AP3B1: variants seen among roughly 807,000 people sequenced by gnomAD.
The protein encoded by AP3B1 is adaptor related protein complex 3 subunit beta 1.
Under a neutral mutation model 132.5 loss-of-function variants are expected in AP3B1, and 61 were observed. That is an observed-to-expected ratio of 0.46 (90% CI 0.37 to 0.57). The LOEUF (loss-of-function observed/expected upper bound fraction) is 0.57, where lower values mean the gene tolerates loss of function less well. Among genes scored for constraint, AP3B1 ranks in the 20% least tolerant of loss-of-function variants. AP3B1 has a pLI of 0.00. For synonymous variants in AP3B1, 388 were observed against 438.3 expected (o/e 0.89, Z 1.43); for missense variants, 1,120 against 1,289.4 (o/e 0.87, Z 2.01).
At chr5:78,001,253 A>T (rs1347207607), downstream of AP3B1, 1 of 152,204 alleles carries the variant, frequency 6.6e-6, no homozygotes, top group African/African-American at 2.4e-5. Flanking sequence ...AACCTGTCAA[A>T]TTCTGTCTGA....
intron 23 of AP3B1, among the ~76,000 whole-genome samples, chr5:78,036,834 C>T (rs901533277): frequency 1.9e-4 from 29 of 152,066 alleles, no homozygotes; most frequent in African/African-American, 6.5e-4. Flanking sequence ...CACTAAAATA[C>T]AGTATTTGTT....
chr5:78,144,625 G>A (rs1280901921), intron 14 of AP3B1, among the ~76,000 whole-genome samples: 1 of 152,192 alleles, frequency 6.6e-6, no homozygotes, highest in Admixed American at 6.5e-5. Context: ...GAATTACAAT[G>A]GGGTGCCAGA....
At chr5:78,076,576 A>C (rs1470282079) in intron 22 of AP3B1, among the ~76,000 whole-genome samples, 2 of 152,188 alleles carry the variant, frequency 1.3e-5, no homozygotes, top group Non-Finnish European at 2.9e-5. Flanking sequence ...ATAACTCAGG[A>C]TAAGGCTGGC....
intron 3 of AP3B1, among the ~76,000 whole-genome samples, chr5:78,235,785 A>G (rs754737756): frequency 6.6e-5 from 10 of 152,250 alleles, no homozygotes; most frequent in Non-Finnish European, 1.2e-4. Context: ...CAATACTAGT[A>G]CATCAAACTT....
intron 1 of AP3B1, among the ~76,000 whole-genome samples, chr5:78,277,301 C>T (rs1302834019): frequency 6.6e-6 from 1 of 152,116 alleles, no homozygotes; most frequent in Non-Finnish European, 1.5e-5. Context: ...AGAAGCTGCT[C>T]TAAGTATTGA....
At chr5:78,242,878 G>T (rs1008156074) in intron 2 of AP3B1, among the ~76,000 whole-genome samples, 2 of 152,022 alleles carry the variant, frequency 1.3e-5, no homozygotes, top group Non-Finnish European at 2.9e-5. Flanking sequence ...ACAAAATAAA[G>T]TTCAAACTAT....
At chr5:78,073,148 T>G (rs1749616948) in intron 22 of AP3B1, among the ~76,000 whole-genome samples, 1 of 152,234 alleles carries the variant, frequency 6.6e-6, no homozygotes, top group Non-Finnish European at 1.5e-5. Flanking sequence ...TGGACATGTA[T>G]TCTACAGCTA....
chr5:78,102,301 T>G (rs1751164838), intron 20 of AP3B1, among the ~76,000 whole-genome samples: 1 of 152,114 alleles, frequency 6.6e-6, no homozygotes, highest in African/African-American at 2.4e-5. Flanking sequence ...TAAATTTCAC[T>G]TGTTTTTTCC....
At position 78,026,137 on chromosome 5, in the gene AP3B1, C is replaced by T. The variant is rs887354566; in HGVS notation, c.2895-5348G>A. On this transcript the variant is annotated intron_variant, in intron 24 of 26. Coordinates refer to ENST00000255194, the MANE Select transcript of AP3B1 (RefSeq NM_003664.5). Reference sequence around the variant, plus strand: ...GAGAGACAGATTATCTCCATTTCTACACATAACTGCCTCAACTTGGATAGG... The same window carrying T: ...GAGAGACAGATTATCTCCATTTCTATACATAACTGCCTCAACTTGGATAGG... Among the ~76,000 whole-genome samples the T allele has an allele frequency of 2.6e-5, 4 of 152,170 alleles. No homozygotes were observed. The East Asian group carries it at 7.7e-4, about 29-fold the overall frequency.
intron 20 of AP3B1, among the ~76,000 whole-genome samples, chr5:78,105,814 CAT>C (rs1311318736): frequency 6.6e-6 from 1 of 152,164 alleles, no homozygotes; most frequent in African/African-American, 2.4e-5. Context: ...CAAATGAGGA[CAT>C]ATTCCAATCA....
At chr5:78,177,054 A>C (rs1002898357) in intron 9 of AP3B1, among the ~76,000 whole-genome samples, 6 of 152,220 alleles carry the variant, frequency 3.9e-5, no homozygotes, top group Non-Finnish European at 7.3e-5. Context: ...CCATACCTAA[A>C]AATTTCAAAC....
chr5:78,198,438 G>A (rs1745156959), intron 7 of AP3B1, among the ~76,000 whole-genome samples: 1 of 152,178 alleles, frequency 6.6e-6, no homozygotes, highest in Non-Finnish European at 1.5e-5. Context: ...TCAATTCATG[G>A]TGAAGGCCCT....
At chr5:78,056,727 C>T (rs201325504) in intron 22 of AP3B1, among the ~76,000 whole-genome samples, 1 of 151,996 alleles carries the variant, frequency 6.6e-6, no homozygotes, top group East Asian at 1.9e-4. Context: ...AAGAGCAGTC[C>T]CCAGTATGGT....
At chr5:78,210,283 G>C (rs577255443) in intron 7 of AP3B1, among the ~76,000 whole-genome samples, 8 of 152,218 alleles carry the variant, frequency 5.3e-5, no homozygotes, top group African/African-American at 9.6e-5. Flanking sequence ...CGTTAAGACA[G>C]GATCTGGATG....
intron 22 of AP3B1, among the ~76,000 whole-genome samples, chr5:78,086,007 A>G (rs938248442): frequency 6.6e-6 from 1 of 152,178 alleles, no homozygotes; most frequent in Non-Finnish European, 1.5e-5. Context: ...TCCTACCTAC[A>G]TCGAAAAAAT....
Position 78,177,322 on chromosome 5 carries a change from A to T in AP3B1, c.1040+17T>A. 1 of 1,556,880 alleles carries T rather than the reference A, an allele frequency of 6.4e-7. No individual in the cohort carries two copies. Among genetic ancestry groups the T allele is most frequent in the Non-Finnish European group, 8.9e-7 (1 of 1,129,862 alleles). On this transcript the variant is annotated intron_variant, in intron 9 of 26. Coordinates refer to ENST00000255194, the MANE Select transcript of AP3B1 (RefSeq NM_003664.5). ...AAGGAATACAAAAGAAAAAATATAT[A>T]TAAAATCATGACCTACCTATTGCTA...
intron 22 of AP3B1, among the ~76,000 whole-genome samples, chr5:78,066,538 CA>C (rs1318166709): frequency 6.6e-6 from 1 of 152,136 alleles, no homozygotes; most frequent in Non-Finnish European, 1.5e-5. Flanking sequence ...TATCAATAGC[CA>C]AACAGACCAA....
intron 19 of AP3B1, among the ~76,000 whole-genome samples, chr5:78,110,775 C>T (rs1167904008): frequency 1.4e-5 from 2 of 143,268 alleles, no homozygotes; most frequent in South Asian, 2.2e-4. Flanking sequence ...TGTATATATA[C>T]GTATATATAT....
At chr5:78,149,918 G>T (rs1488881575) in intron 14 of AP3B1, among the ~76,000 whole-genome samples, 1 of 150,154 alleles carries the variant, frequency 6.7e-6, no homozygotes, top group Non-Finnish European at 1.5e-5. Context: ...AATGACTCCT[G>T]TAAGCCATAC....
Sources: gnomAD v4.1 joint callset for allele counts (sites outside exome capture counted in the v4.1 genomes callset) on GRCh38, gnomAD v4.1.1 for gene constraint, MANE v1.5 for transcripts, NCBI Gene and HGNC (gene_info 2026-07-23, HGNC 2026-07-21) for gene names.